The following ZFPM2 variants were observed in gnomAD, a reference collection of about 807,000 sequenced individuals.
ZFPM2 encodes the protein zinc finger protein, FOG family member 2, also known as zinc finger protein ZFPM2.
In ZFPM2, 20 loss-of-function variants were observed where a neutral mutation model predicts 98.6. That is an observed-to-expected ratio of 0.20 (90% CI 0.14 to 0.29). The LOEUF (loss-of-function observed/expected upper bound fraction) is 0.29, where lower values mean the gene tolerates loss of function less well. ZFPM2 is among the 10% of genes least tolerant of loss of function. The probability of loss-of-function intolerance (pLI) is 1.00; values close to 1 mark genes in which losing one functional copy is unlikely to be tolerated. For synonymous variants in ZFPM2, 518 were observed against 502.7 expected (o/e 1.03, Z -0.41); for missense variants, 1,310 against 1,388.6 (o/e 0.94, Z 0.90).
At chr8:105,752,508 G>T (rs897497587) in intron 5 of ZFPM2, among the ~76,000 whole-genome samples, 2 of 152,146 alleles carry the variant, frequency 1.3e-5, no homozygotes, top group Non-Finnish European at 2.9e-5. Flanking sequence ...TTGGTTGTTT[G>T]TGGCAACAGC....
In ZFPM2 at chr8:105,444,348, C is replaced by T. The variant is rs578053386; in HGVS notation, c.268C>T (p.Pro90Ser). The T allele has an allele frequency of 1.2e-6, 2 of 1,612,176 alleles. No individual in the cohort carries two copies. Among genetic ancestry groups the T allele is most frequent in the African/African-American group, 1.3e-5 (1 of 74,892 alleles). The change falls in exon 3 of 8, where the codon CCT becomes TCT. Residue 90 changes from proline (P) to serine (S), a missense_variant. By Grantham distance (74) the Pro-to-Ser change is moderately conservative. Transcript: ENST00000407775. ...CACACAGTCAGAGAAACCGGGGCAA[C>T]CTGGAGTTGAGACAGACGACTGGGA... ...GDTQSEKPGQ[P>S]GVETDDWDGP...
intron 5 of ZFPM2, among the ~76,000 whole-genome samples, chr8:105,691,297 G>A (rs565557852): frequency 3.6e-5 from 4 of 109,794 alleles, no homozygotes; most frequent in Non-Finnish European, 5.5e-5. Context: ...GCCGGACTGC[G>A]GACTGCAGTG....
At chr8:105,561,312 C>G in intron 3 of ZFPM2, 51 bp from the exon 4 acceptor site, 1 of 1,410,340 alleles carries the variant, frequency 7.1e-7, no homozygotes, top group Non-Finnish European at 1.0e-6. Flanking sequence ...GAGGTGGCTG[C>G]TGATAAAGTA....
At chr8:105,791,867 T>C (rs1813622473) in intron 6 of ZFPM2, among the ~76,000 whole-genome samples, 1 of 152,216 alleles carries the variant, frequency 6.6e-6, no homozygotes, top group Non-Finnish European at 1.5e-5. Flanking sequence ...GATTTTCTAG[T>C]TTATTTGCAT....
chr8:105,733,126 A>G (rs1003769662), intron 5 of ZFPM2, among the ~76,000 whole-genome samples: 8 of 151,928 alleles, frequency 5.3e-5, no homozygotes, highest in Non-Finnish European at 7.4e-5. Context: ...GGTAATAGAT[A>G]TCTAATAGAT....
At chr8:105,760,502 C>T (rs1812709873) in intron 5 of ZFPM2, among the ~76,000 whole-genome samples, 1 of 151,876 alleles carries the variant, frequency 6.6e-6, no homozygotes, top group Admixed American at 6.6e-5. Flanking sequence ...TCAAAGCAAA[C>T]ATAAACTTAA....
chr8:105,750,609 G>C (rs1367346597), intron 5 of ZFPM2, among the ~76,000 whole-genome samples: 1 of 151,996 alleles, frequency 6.6e-6, no homozygotes, highest in South Asian at 2.1e-4. Flanking sequence ...TGAGAGATCA[G>C]AGATTTTACT....
intron 3 of ZFPM2, among the ~76,000 whole-genome samples, chr8:105,453,646 G>GT (rs1003287619): frequency 6.7e-5 from 10 of 150,230 alleles, no homozygotes; most frequent in Admixed American, 3.3e-4. Flanking sequence ...GTTTTGTTTT[G>GT]TTTTTTTCTT....
chr8:105,559,205 A>G (rs764227452), intron 3 of ZFPM2, among the ~76,000 whole-genome samples: 4 of 152,224 alleles, frequency 2.6e-5, no homozygotes, highest in Non-Finnish European at 4.4e-5. Flanking sequence ...GTTATTCTGT[A>G]TACAGAAAAC....
intron 2 of ZFPM2, among the ~76,000 whole-genome samples, chr8:105,443,326 C>CAAAA (rs60238590): frequency 1.6e-5 from 2 of 122,588 alleles, no homozygotes; most frequent in African/African-American, 6.6e-5. Flanking sequence ...AAACAAAAAA[C>CAAAA]AAAAAAAAAA....
At chr8:105,759,307 C>A (rs1389925046) in intron 5 of ZFPM2, among the ~76,000 whole-genome samples, 4 of 152,130 alleles carry the variant, frequency 2.6e-5, no homozygotes, top group Admixed American at 2.6e-4. Context: ...GTATTGCATG[C>A]CATATGCTGG....
rs780534248 is a variant in ZFPM2, at chr8:105,795,246, T to TTGTGTGTGTGTGTGTGTG, written c.740-3457_740-3440dup. ...TTGGCTCCTCCCCCTCATTTTATCT[T>TTGTGTGTGTGTGTGTGTG]TGTGTGTGTGTGTGTGTGTGTGTGT... On this transcript the variant is annotated intron_variant, in intron 6 of 7. Coordinates refer to ENST00000407775, the MANE Select transcript of ZFPM2 (RefSeq NM_012082.4). Among the ~76,000 whole-genome samples the TTGTGTGTGTGTGTGTGTG allele has an allele frequency of 9.0e-4, 125 of 138,314 alleles. 1 individual carries two copies. Among genetic ancestry groups the TTGTGTGTGTGTGTGTGTG allele is most frequent in the African/African-American group, 2.7e-3 (97 of 36,368 alleles). 90.7% of individuals were successfully genotyped at this position (138,314 alleles called of 152,430 possible).
chr8:105,712,014 A>G (rs551497856), intron 5 of ZFPM2, among the ~76,000 whole-genome samples: 2 of 152,238 alleles, frequency 1.3e-5, no homozygotes, highest in East Asian at 3.9e-4. Flanking sequence ...TTCCAGAGTT[A>G]ATTCAGCAAC....
chr8:105,331,443 A>G (rs1812232504), intron 1 of ZFPM2, among the ~76,000 whole-genome samples: 2 of 151,580 alleles, frequency 1.3e-5, no homozygotes, highest in Admixed American at 1.3e-4. Flanking sequence ...AGGTTCCGGT[A>G]TGGGATGTTA....
At chr8:105,440,944 G>C (rs1812223894) in intron 2 of ZFPM2, among the ~76,000 whole-genome samples, 1 of 151,992 alleles carries the variant, frequency 6.6e-6, no homozygotes, top group Non-Finnish European at 1.5e-5. Flanking sequence ...GAGGTCAAGA[G>C]ATCGCGACCA....
intron 4 of ZFPM2, among the ~76,000 whole-genome samples, chr8:105,595,455 T>A (rs1815947998): frequency 6.6e-6 from 1 of 152,248 alleles, no homozygotes; most frequent in East Asian, 1.9e-4. Context: ...TTAAACATTT[T>A]ACTGTCTCAG....
chr8:105,430,041 G>A (rs1036797406), intron 2 of ZFPM2, among the ~76,000 whole-genome samples: 27 of 152,144 alleles, frequency 1.8e-4, no homozygotes, highest in Admixed American at 1.0e-3. Flanking sequence ...ACTGGGTGTC[G>A]CTTCAGAATT....
intron 1 of ZFPM2, among the ~76,000 whole-genome samples, chr8:105,366,524 A>T (rs559743343): frequency 7.9e-5 from 12 of 151,518 alleles, no homozygotes; most frequent in South Asian, 4.2e-4. Context: ...TATTATTATT[A>T]TTTTTTAATT....
intron 4 of ZFPM2, among the ~76,000 whole-genome samples, chr8:105,632,930 A>G (rs1239923476): frequency 1.3e-5 from 2 of 152,140 alleles, no homozygotes; most frequent in East Asian, 1.9e-4. Flanking sequence ...TAAATCCATC[A>G]TGGTTGATTT....
Sources: allele counts gnomAD v4.1 joint callset (sites outside exome capture counted in the v4.1 genomes callset), GRCh38; gene constraint gnomAD v4.1.1; transcripts MANE v1.5; gene names NCBI Gene and HGNC (gene_info 2026-07-23, HGNC 2026-07-21).